Variants in MRAP2 observed in about 807,000 individuals in gnomAD.
MRAP2 encodes melanocortin 2 receptor accessory protein 2.
In MRAP2, 20 loss-of-function variants were observed where a neutral mutation model predicts 17.4. The observed-to-expected ratio is 1.15, with a 90% CI of 0.81 to 1.67. MRAP2 has a LOEUF of 1.67. Ranked by LOEUF, MRAP2 falls within the 40% of genes most tolerant of loss-of-function variation. The pLI is 0.00. For synonymous variants in MRAP2, 96 were observed against 88.4 expected (o/e 1.09, Z -0.48); for missense variants, 238 against 240.0 (o/e 0.99, Z 0.05).
chr6:84,100,857 C>A, the MRAP2 span, among the ~76,000 whole-genome samples: 1 of 152,106 alleles, frequency 6.6e-6, no homozygotes. Flanking sequence ...TTATACTTTG[C>A]AGGAGTGAGC....
At chr6:84,091,269 C>T (rs908956274), downstream of MRAP2, among the ~76,000 whole-genome samples, 3 of 119,384 alleles carry the variant, frequency 2.5e-5, no homozygotes, top group Admixed American at 1.0e-4. Flanking sequence ...TTTTGAGAGA[C>T]GGAGTCTTGC....
chr6:84,096,914 G>T, the MRAP2 span, among the ~76,000 whole-genome samples: 2 of 152,202 alleles, frequency 1.3e-5, no homozygotes, highest in African/African-American at 4.8e-5. Flanking sequence ...AAAGGACCCT[G>T]TGTGGGCACT....
chr6:84,137,228 C>T, the MRAP2 span, among the ~76,000 whole-genome samples: 1 of 152,194 alleles, frequency 6.6e-6, no homozygotes, highest in Admixed American at 6.5e-5. Context: ...GCCTTGCTAG[C>T]CTGCTGTTTC....
intron 1 of MRAP2, among the ~76,000 whole-genome samples, chr6:84,045,543 G>A (rs1240947350): frequency 1.3e-5 from 2 of 151,584 alleles, no homozygotes; most frequent in South Asian, 2.1e-4. Context: ...TGGGTGAATC[G>A]CTTGAGGCCA....
downstream of MRAP2, chr6:84,091,023 ATGCATG>A (rs1220595656): frequency 6.6e-6 from 1 of 152,204 alleles, no homozygotes; most frequent in Non-Finnish European, 1.5e-5. Context: ...GATCTGAGCC[ATGCATG>A]AGATTTAGGG....
At chr6:84,097,720 T>G in the MRAP2 span, among the ~76,000 whole-genome samples, 3 of 152,204 alleles carry the variant, frequency 2.0e-5, no homozygotes, top group Non-Finnish European at 4.4e-5. Flanking sequence ...CATCTATTGT[T>G]TAATGTTTCT....
intron 1 of MRAP2, among the ~76,000 whole-genome samples, chr6:84,042,219 C>T (rs1164161963): frequency 1.3e-5 from 2 of 152,166 alleles, no homozygotes; most frequent in Non-Finnish European, 2.9e-5. Flanking sequence ...GCTTCCCTTT[C>T]CACCATGACT....
At chr6:84,035,234 A>C (rs975964177) in intron 1 of MRAP2, among the ~76,000 whole-genome samples, 1 of 152,174 alleles carries the variant, frequency 6.6e-6, no homozygotes, top group Non-Finnish European at 1.5e-5. Flanking sequence ...TAGAGTAGTG[A>C]AAGCGGTTAC....
intron 3 of MRAP2, among the ~76,000 whole-genome samples, chr6:84,076,063 AT>A (rs112677139): frequency 1.7e-3 from 246 of 146,204 alleles, no homozygotes; most frequent in Middle Eastern, 3.5e-3. Flanking sequence ...TTCAGGAGTT[AT>A]TTTTTTTTTT....
At chr6:84,042,110 G>A (rs765675391) in intron 1 of MRAP2, among the ~76,000 whole-genome samples, 3 of 152,136 alleles carry the variant, frequency 2.0e-5, no homozygotes, top group Non-Finnish European at 4.4e-5. Context: ...CTGTTCTCCT[G>A]ATAGTGAGTG....
At chr6:84,042,932 C>G (rs1408374962) in intron 1 of MRAP2, among the ~76,000 whole-genome samples, 1 of 152,232 alleles carries the variant, frequency 6.6e-6, no homozygotes, top group Non-Finnish European at 1.5e-5. Flanking sequence ...TACCTGGTAC[C>G]TCTCCTTTTC....
intron 3 of MRAP2, among the ~76,000 whole-genome samples, chr6:84,077,133 A>C (rs1562888109): frequency 6.6e-6 from 1 of 152,314 alleles, no homozygotes; most frequent in East Asian, 1.9e-4. Context: ...GAAGAGAAAG[A>C]CCATACACAA....
chr6:84,059,846 T>C (rs1388473546), intron 2 of MRAP2, among the ~76,000 whole-genome samples: 1 of 152,226 alleles, frequency 6.6e-6, no homozygotes, highest in East Asian at 1.9e-4. Context: ...AGCTTTATTC[T>C]GACTTCTTCC....
chr6:84,092,651 G>A (rs1211292557), downstream of MRAP2, among the ~76,000 whole-genome samples: 1 of 152,028 alleles, frequency 6.6e-6, no homozygotes, highest in African/African-American at 2.4e-5. Flanking sequence ...TATATGCAGG[G>A]GATTGGTTCC....
the MRAP2 span, among the ~76,000 whole-genome samples, chr6:84,134,225 C>T: frequency 6.6e-6 from 1 of 152,156 alleles, no homozygotes. Flanking sequence ...GCTTGAGCAT[C>T]CCAGGTCACT....
chr6:84,087,055 G>A (rs1207857840), intron 3 of MRAP2, among the ~76,000 whole-genome samples: 3 of 152,152 alleles, frequency 2.0e-5, no homozygotes, highest in Admixed American at 6.5e-5. Flanking sequence ...CCCAAAATCC[G>A]AGAGAGGTCT....
At chr6:84,099,618 CCTT>C in the MRAP2 span, among the ~76,000 whole-genome samples, 8 of 152,092 alleles carry the variant, frequency 5.3e-5, no homozygotes, top group Non-Finnish European at 8.8e-5. Context: ...CTCCTCCTCT[CCTT>C]CTTGCTCCCT....
intron 1 of MRAP2, among the ~76,000 whole-genome samples, chr6:84,047,653 T>C (rs747845098): frequency 6.2e-4 from 94 of 152,248 alleles, no homozygotes; most frequent in Non-Finnish European, 1.2e-3. Context: ...ACTTTTTCAT[T>C]ATCTCAAACT....
intron 3 of MRAP2, among the ~76,000 whole-genome samples, chr6:84,069,209 C>T (rs924967964): frequency 2.0e-5 from 3 of 151,998 alleles, no homozygotes; most frequent in African/African-American, 7.2e-5. Flanking sequence ...AGCTTTTCCC[C>T]ACTCAGTATT....
Sources: allele counts gnomAD v4.1 joint callset (sites outside exome capture counted in the v4.1 genomes callset), GRCh38; gene constraint gnomAD v4.1.1; transcripts MANE v1.5; gene names NCBI Gene and HGNC (gene_info 2026-07-23, HGNC 2026-07-21).